The following AJAP1 variants were observed in gnomAD, a reference collection of about 807,000 sequenced individuals.
The protein encoded by AJAP1 is adherens junction-associated protein 1.
A neutral mutation model predicts 35.0 loss-of-function variants in AJAP1; 5 were observed. The observed-to-expected ratio is 0.14, with a 90% CI of 0.07 to 0.30. The LOEUF (loss-of-function observed/expected upper bound fraction) is 0.30, where lower values mean the gene tolerates loss of function less well. Ranked by LOEUF, AJAP1 falls within the 10% of genes least tolerant of loss-of-function variation. AJAP1 has a pLI of 1.00. For missense variants in AJAP1, 586 were observed against 571.0 expected (o/e 1.03, Z -0.27); for synonymous variants, 284 against 249.3 (o/e 1.14, Z -1.31).
At chr1:4,666,164 C>G (rs2100509813) in intron 1 of AJAP1, among the ~76,000 whole-genome samples, 1 of 146,354 alleles carries the variant, frequency 6.8e-6, no homozygotes, top group African/African-American at 2.5e-5. Context: ...GGAGGGGCAC[C>G]CCGCAGTGAA....
chr1:4,731,223 G>A (rs893229567), intron 2 of AJAP1, among the ~76,000 whole-genome samples: 12 of 152,112 alleles, frequency 7.9e-5, no homozygotes, highest in Admixed American at 7.9e-4. Context: ...TGGGATTACA[G>A]GCATGCACCA....
At chr1:4,696,171 C>A (rs920359093) in intron 1 of AJAP1, among the ~76,000 whole-genome samples, 6 of 149,978 alleles carry the variant, frequency 4.0e-5, no homozygotes, top group Non-Finnish European at 8.9e-5. Flanking sequence ...AGCAGGGAGG[C>A]TCCCTGGCCC....
At position 4,749,879 on chromosome 1, in the gene AJAP1, CCT is replaced by C. The variant is rs539692428; in HGVS notation, c.830-19973_830-19972del. Among the ~76,000 whole-genome samples the C allele has an allele frequency of 3.9e-5, 6 of 152,150 alleles. No individual in the cohort carries two copies. In the East Asian group the frequency reaches 7.7e-4, roughly 20 times the overall value. On this transcript the variant is annotated intron_variant, in intron 2 of 5. Coordinates refer to ENST00000378191, the MANE Select transcript of AJAP1 (RefSeq NM_018836.4). ...GCCCGTGCGTCTGTGTTTTTGTGTC[CCT>C]GTTTGCAAATGTGTGTGTGTTGGGT...
intron 2 of AJAP1, among the ~76,000 whole-genome samples, chr1:4,759,002 G>A (rs572189472): frequency 1.3e-5 from 2 of 152,318 alleles, no homozygotes; most frequent in East Asian, 1.9e-4. Context: ...AGCTCAGGTC[G>A]GGATGCAGGT....
chr1:4,687,872 G>A (rs1418183140), intron 1 of AJAP1, among the ~76,000 whole-genome samples: 2 of 152,176 alleles, frequency 1.3e-5, no homozygotes, highest in African/African-American at 2.4e-5. Context: ...GGGAGGTGCT[G>A]GGGACACAGA....
intron 1 of AJAP1, among the ~76,000 whole-genome samples, chr1:4,678,638 C>T (rs981728262): frequency 6.6e-6 from 1 of 152,190 alleles, no homozygotes; most frequent in Non-Finnish European, 1.5e-5. Flanking sequence ...GTTACAATCT[C>T]ATGTACCGTT....
At chr1:4,725,181 C>T (rs1475192348) in intron 2 of AJAP1, among the ~76,000 whole-genome samples, 1 of 152,170 alleles carries the variant, frequency 6.6e-6, no homozygotes, top group African/African-American at 2.4e-5. Context: ...ACCTCTGACC[C>T]CGGCAGAGGA....
chr1:4,704,533 C>T (rs1282293527), intron 1 of AJAP1, among the ~76,000 whole-genome samples: 3 of 152,112 alleles, frequency 2.0e-5, no homozygotes, highest in African/African-American at 7.2e-5. Flanking sequence ...ATATGTGCCA[C>T]ATTTTCTTAA....
At chr1:4,687,929 G>A (rs1390129577) in intron 1 of AJAP1, among the ~76,000 whole-genome samples, 1 of 152,234 alleles carries the variant, frequency 6.6e-6, no homozygotes, top group South Asian at 2.1e-4. Context: ...GATGAACAAA[G>A]CCTTCACAGC....
intron 1 of AJAP1, among the ~76,000 whole-genome samples, chr1:4,690,068 T>C (rs1255588167): frequency 2.0e-5 from 3 of 152,036 alleles, no homozygotes; most frequent in Admixed American, 1.3e-4. Flanking sequence ...ATGGATGCAT[T>C]TCCCACTCGC....
At chr1:4,722,707 C>T (rs975476002) in intron 2 of AJAP1, among the ~76,000 whole-genome samples, 12 of 152,198 alleles carry the variant, frequency 7.9e-5, no homozygotes, top group African/African-American at 2.7e-4. Flanking sequence ...GGCTTGTGGC[C>T]GCATCACTCC....
intron 1 of AJAP1, among the ~76,000 whole-genome samples, chr1:4,675,843 G>A (rs966002904): frequency 2.0e-5 from 3 of 152,244 alleles, no homozygotes; most frequent in African/African-American, 7.2e-5. Context: ...TGAAGATGGT[G>A]TGGGCGGAAA....
chr1:4,769,978 G>C, intron 3 of AJAP1, 38 bp downstream of exon 3: 2 of 1,543,508 alleles, frequency 1.3e-6, no homozygotes, highest in Non-Finnish European at 1.8e-6. Context: ...AGAAATGGGG[G>C]ACTACCGGGG....
intron 1 of AJAP1, among the ~76,000 whole-genome samples, chr1:4,664,655 AT>A (rs1440957150): frequency 3.9e-5 from 6 of 152,032 alleles, no homozygotes; most frequent in Non-Finnish European, 7.4e-5. Context: ...GATTTTGCTC[AT>A]TTCCTGGGCT....
chr1:4,776,246 A>C (rs536302005), intron 5 of AJAP1, among the ~76,000 whole-genome samples: 5 of 152,226 alleles, frequency 3.3e-5, no homozygotes, highest in African/African-American at 1.2e-4. Flanking sequence ...AGGCAGTGGG[A>C]GGTTAAATGA....
intron 2 of AJAP1, among the ~76,000 whole-genome samples, chr1:4,764,455 C>A (rs746913625): frequency 6.6e-6 from 1 of 152,214 alleles, no homozygotes; most frequent in Non-Finnish European, 1.5e-5. Flanking sequence ...CACCACTGGG[C>A]ACTGTGAGCT....
intron 1 of AJAP1, among the ~76,000 whole-genome samples, chr1:4,667,693 G>A (rs1176125077): frequency 6.6e-6 from 1 of 152,326 alleles, no homozygotes; most frequent in Admixed American, 6.5e-5. Context: ...CCTAACAGAT[G>A]CTGGTACTGG....
intron 1 of AJAP1, among the ~76,000 whole-genome samples, chr1:4,673,380 C>T (rs1639289033): frequency 1.3e-5 from 2 of 152,332 alleles, no homozygotes; most frequent in South Asian, 4.1e-4. Context: ...TTCCCGTCCC[C>T]TCCCCTGCCC....
chr1:4,668,477 TG>T (rs1639185758), intron 1 of AJAP1, among the ~76,000 whole-genome samples: 1 of 152,206 alleles, frequency 6.6e-6, no homozygotes, highest in Admixed American at 6.5e-5. Context: ...TGTTTAAAAA[TG>T]TAATTAACAA....
Sources: allele counts gnomAD v4.1 joint callset (sites outside exome capture counted in the v4.1 genomes callset), GRCh38; gene constraint gnomAD v4.1.1; transcripts MANE v1.5; gene names NCBI Gene and HGNC (gene_info 2026-07-23, HGNC 2026-07-21).